Variants in SH3BGR observed in about 807,000 individuals in gnomAD.
The protein encoded by SH3BGR is SH3 domain binding glutamate rich protein, also known as SH3 domain-binding glutamic acid-rich protein.
SH3BGR carries 29 observed loss-of-function variants against 24.5 expected under a neutral mutation model. That is an observed-to-expected ratio of 1.18 (90% CI 0.88 to 1.61). The LOEUF is 1.61. SH3BGR is among the 40% of genes most tolerant of loss of function. The pLI is 0.00. For synonymous variants in SH3BGR, 55 were observed against 65.7 expected, an observed-to-expected ratio of 0.84 and a Z score of 0.79; for missense variants, 162 against 205.8, an observed-to-expected ratio of 0.79 and a Z score of 1.30.
At chr21:39,451,730 C>A, upstream of SH3BGR, 1 of 795,236 alleles carries the variant, frequency 1.3e-6, no homozygotes, top group Non-Finnish European at 2.0e-6. Context: ...TCCCTTGGCC[C>A]CAAGGCATCT....
At chr21:39,449,163 T>C (rs1421614566), upstream of SH3BGR, among the ~76,000 whole-genome samples, 2 of 152,188 alleles carry the variant, frequency 1.3e-5, no homozygotes, top group Admixed American at 1.3e-4. Context: ...ATGCCTGAAT[T>C]TCCTCATAAA....
intron 3 of SH3BGR, among the ~76,000 whole-genome samples, chr21:39,487,207 A>G (rs2078226014): frequency 6.6e-6 from 1 of 152,140 alleles, no homozygotes; most frequent in South Asian, 2.1e-4. Flanking sequence ...CAGTGGCCTG[A>G]TCACGGCTCA....
At chr21:39,510,508 T>C (rs1051616598) in intron 5 of SH3BGR, among the ~76,000 whole-genome samples, 20 of 151,134 alleles carry the variant, frequency 1.3e-4, no homozygotes, top group Non-Finnish European at 4.4e-5. Context: ...AATACTCTTG[T>C]AGTCTCCTTT....
At chr21:39,505,952 C>T (rs1334096465) in intron 4 of SH3BGR, among the ~76,000 whole-genome samples, 1 of 152,136 alleles carries the variant, frequency 6.6e-6, no homozygotes, top group Non-Finnish European at 1.5e-5. Context: ...ATGTAAAACT[C>T]TACATAACCA....
upstream of SH3BGR, chr21:39,451,846 A>T: frequency 1.3e-6 from 2 of 1,563,532 alleles, no homozygotes; most frequent in Non-Finnish European, 1.7e-6. Context: ...TTTATCGACC[A>T]ATCAAATATT....
intron 3 of SH3BGR, among the ~76,000 whole-genome samples, chr21:39,475,532 T>C (rs2078013421): frequency 6.6e-6 from 1 of 152,208 alleles, no homozygotes; most frequent in Admixed American, 6.5e-5. Flanking sequence ...AGCTCCTAGG[T>C]TGTGTTTATA....
At position 39,465,418 on chromosome 21, in the gene SH3BGR, G is replaced by C. The variant is rs116508992; in HGVS notation, c.231+2858G>C. Among the ~76,000 whole-genome samples the C allele has an allele frequency of 5.9e-5, 9 of 152,256 alleles. No homozygotes were observed. In the East Asian group the frequency reaches 1.3e-3, roughly 23 times the overall value. On this transcript the variant is annotated intron_variant, in intron 2 of 6. Coordinates refer to ENST00000333634, the MANE Select transcript of SH3BGR (RefSeq NM_007341.3). ...CTGGCTCTTTTGAATTCTGTAGCTC[G>C]TCCTACTCTGAGGCAGCCAGTGTTG...
intron 3 of SH3BGR, among the ~76,000 whole-genome samples, chr21:39,498,898 T>C (rs913425210): frequency 3.4e-4 from 51 of 152,194 alleles, no homozygotes; most frequent in Admixed American, 3.3e-3. Flanking sequence ...ACTGGGTAAT[T>C]TATAAAGGAA....
chr21:39,459,430 G>A (rs560940194), intron 1 of SH3BGR, among the ~76,000 whole-genome samples: 3 of 152,096 alleles, frequency 2.0e-5, no homozygotes, highest in Non-Finnish European at 2.9e-5. Flanking sequence ...TCACCATGTT[G>A]GCCAGGATAG....
intron 1 of SH3BGR, among the ~76,000 whole-genome samples, chr21:39,458,565 T>C (rs534713844): frequency 2.0e-5 from 3 of 152,114 alleles, no homozygotes; most frequent in African/African-American, 7.2e-5. Context: ...CTCAAACTCC[T>C]GACCTCAGGT....
chr21:39,462,445 T>A lies in SH3BGR; in HGVS notation c.116T>A (p.Ile39Asn). 1 of 1,609,694 alleles carries A rather than the reference T, an allele frequency of 6.2e-7. No individual in the cohort carries two copies. The highest frequency in any genetic ancestry group is 1.7e-4 in the Middle Eastern group (1 of 6,050). The change falls in exon 2 of 7, where the codon ATT becomes AAT. Residue 39 changes from isoleucine (I) to asparagine (N), a missense_variant. Ile to Asn is a moderately radical substitution (Grantham distance 149). Coordinates refer to ENST00000333634, the MANE Select transcript of SH3BGR (RefSeq NM_007341.3). ...AAAATCGACTTTAAGGAATTAGATATTGCTGGAGATGAAGACAACAGGAGG... is the reference window on the plus strand; with the variant it reads ...AAAATCGACTTTAAGGAATTAGATAATGCTGGAGATGAAGACAACAGGAGG... Reference protein sequence around the residue: ...ANKIDFKELDIAGDEDNRRWM... With the variant: ...ANKIDFKELDNAGDEDNRRWM...
At chr21:39,457,314 CTTA>C (rs1264704762) in intron 1 of SH3BGR, among the ~76,000 whole-genome samples, 64 of 139,880 alleles carry the variant, frequency 4.6e-4, no homozygotes, top group African/African-American at 1.1e-3. Context: ...ATATATAAAT[CTTA>C]TTATATATAA....
At chr21:39,466,793 T>A (rs902958604) in intron 2 of SH3BGR, among the ~76,000 whole-genome samples, 2 of 152,222 alleles carry the variant, frequency 1.3e-5, no homozygotes, top group African/African-American at 4.8e-5. Context: ...TTATGGGAAC[T>A]ACAATTCAAG....
At chr21:39,477,472 G>A (rs962691019) in intron 3 of SH3BGR, among the ~76,000 whole-genome samples, 1 of 151,928 alleles carries the variant, frequency 6.6e-6, no homozygotes, top group Non-Finnish European at 1.5e-5. Flanking sequence ...TTTGAACCTG[G>A]GGTTGCTCAT....
chr21:39,473,137 A>C (rs1467951578), intron 2 of SH3BGR, among the ~76,000 whole-genome samples: 1 of 152,152 alleles, frequency 6.6e-6, no homozygotes, highest in African/African-American at 2.4e-5. Context: ...TGGTAGCATC[A>C]AGTCAAAGAT....
chr21:39,512,717 G>A (rs968473169), intron 6 of SH3BGR, among the ~76,000 whole-genome samples: 1 of 152,024 alleles, frequency 6.6e-6, no homozygotes, highest in Non-Finnish European at 1.5e-5. Flanking sequence ...ACTTGAACCC[G>A]GGAGGCAGAG....
intron 2 of SH3BGR, among the ~76,000 whole-genome samples, chr21:39,465,131 C>T (rs972500053): frequency 1.2e-4 from 19 of 152,028 alleles, no homozygotes; most frequent in African/African-American, 4.1e-4. Context: ...GTCTTGAACA[C>T]CTGGCCTCAG....
At chr21:39,510,983 G>A (rs1484164710) in intron 5 of SH3BGR, among the ~76,000 whole-genome samples, 4 of 134,882 alleles carry the variant, frequency 3.0e-5, no homozygotes, top group African/African-American at 8.3e-5. Context: ...GCTGAGAATG[G>A]TTTGTTAATA....
chr21:39,462,924 C>G (rs915931416), intron 2 of SH3BGR, among the ~76,000 whole-genome samples: 6 of 152,190 alleles, frequency 3.9e-5, no homozygotes, highest in African/African-American at 1.4e-4. Flanking sequence ...TTCTCTGTCA[C>G]CCAGGCTGGA....
Sources: allele counts gnomAD v4.1 joint callset (sites outside exome capture counted in the v4.1 genomes callset), GRCh38; gene constraint gnomAD v4.1.1; transcripts MANE v1.5; gene names NCBI Gene and HGNC (gene_info 2026-07-23, HGNC 2026-07-21).